NUP210: variants seen among roughly 807,000 people sequenced by gnomAD.
NUP210 encodes nuclear pore membrane glycoprotein 210.
Under a neutral mutation model 196.0 loss-of-function variants are expected in NUP210, and 151 were observed. That is an observed-to-expected ratio of 0.77 (90% CI 0.67 to 0.88). NUP210 has a LOEUF of 0.88. Among genes scored for constraint, NUP210 ranks in the 40% least tolerant of loss-of-function variants. The pLI is 0.00. For missense variants in NUP210, 2,314 were observed against 2,493.7 expected (o/e 0.93, Z 1.53); for synonymous variants, 1,070 against 1,052.7 (o/e 1.02, Z -0.32).
intron 35 of NUP210, 126 bp from the exon 36 acceptor site, chr3:13,321,961 C>T: frequency 7.5e-7 from 1 of 1,328,992 alleles, no homozygotes; most frequent in Non-Finnish European, 1.0e-6. Context: ...GAAGTCACCT[C>T]CTCCAGGAGT....
rs961278893 is a variant in NUP210 at position 13,413,481 on chromosome 3, C to A, written c.167+6579G>T. Among the ~76,000 whole-genome samples, 8 of 145,886 alleles carry A rather than the reference C, an allele frequency of 5.5e-5. No homozygotes were observed. In the East Asian group the frequency reaches 5.8e-4, roughly 11 times the overall value. ...CAAGACTCTGTCTCAAAAAAAAAAA[C>A]AAACAAACAAAAAAGGAAACCTTAC... On this transcript the variant is annotated intron_variant, in intron 1 of 39. Transcript: ENST00000254508.
At chr3:13,387,796 G>T (rs1699324622) in intron 5 of NUP210, among the ~76,000 whole-genome samples, 1 of 152,166 alleles carries the variant, frequency 6.6e-6, no homozygotes, top group African/African-American at 2.4e-5. Context: ...CCCTAAGAAT[G>T]GGATGCTGGT....
rs947562894 is a variant in NUP210, at chr3:13,321,113, G to A, written c.5166+472C>T. Among the ~76,000 whole-genome samples, 30 of 152,338 alleles carry A rather than the reference G, an allele frequency of 2.0e-4. 3 individuals carry two copies. The highest frequency in any genetic ancestry group is 9.1e-4 in the Admixed American group (14 of 15,310). ...GGAACTCCTTGGTTCTCTCACCCCC[G>A]AACTCTTCCCAGCCTGCCAGGCTCT... On this transcript the variant is annotated intron_variant, in intron 36 of 39. Coordinates refer to ENST00000254508, the MANE Select transcript of NUP210 (RefSeq NM_024923.4).
intron 2 of NUP210, 109 bp from the exon 3 acceptor site, chr3:13,397,597 T>C (rs150778087): frequency 2.7e-4 from 333 of 1,239,774 alleles, no homozygotes; most frequent in Middle Eastern, 1.4e-3. Context: ...AACCACCAGC[T>C]TCACCCTCAG....
chr3:13,369,065 T>C lies in NUP210; in HGVS notation c.1786+2769A>G, dbSNP rs182875382. ...CATACACACCAGCAGCACATAAGAG[T>C]TCCAGTGTCTTCACATCCTTGTCAA... On this transcript the variant is annotated intron_variant, in intron 13 of 39. Coordinates refer to ENST00000254508, the MANE Select transcript of NUP210 (RefSeq NM_024923.4). 9.9e-5 allele frequency among the ~76,000 whole-genome samples: 15 copies of C among 152,190 alleles called. No individual in the cohort carries two copies. The East Asian group carries it at 2.9e-3, about 29-fold the overall frequency.
rs1003444761 is a variant in NUP210, at chr3:13,323,855, A to G, written c.4645-423T>C. Reference sequence around the variant, plus strand: ...ATCCTGTACCTGGCCACACCCAAACAGCCCCAGGCTGGAGACCTCCCTGCA... The same window carrying G: ...ATCCTGTACCTGGCCACACCCAAACGGCCCCAGGCTGGAGACCTCCCTGCA... On this transcript the variant is annotated intron_variant, in intron 33 of 39. Transcript: ENST00000254508. This position sits in a 1 kb window ranked among gnomAD's most constrained non-coding sequence, Gnocchi z 4.3. Among the ~76,000 whole-genome samples the G allele has an allele frequency of 1.3e-5, 2 of 151,988 alleles. No homozygotes were observed. Among genetic ancestry groups the G allele is most frequent in the African/African-American group, 4.8e-5 (2 of 41,366 alleles).
At chr3:13,419,985 G>A (rs1047155775) in intron 1 of NUP210, 75 bp downstream of exon 1, 8 of 1,012,170 alleles carry the variant, frequency 7.9e-6, no homozygotes, top group Non-Finnish European at 9.6e-6. Flanking sequence ...CCGGCCTCCC[G>A]GCGCCCGCCC....
Position 13,362,371 on chromosome 3 carries a change from A to G in NUP210, c.1933-1880T>C, listed in dbSNP as rs1004024573. On this transcript the variant is annotated intron_variant, in intron 14 of 39. Transcript: ENST00000254508. ...TTGCTGTGGGGGTCAGCATTTCAAC[A>G]TATGTATTTTGTGGGGACACAAACA... Among the ~76,000 whole-genome samples the G allele has an allele frequency of 4.6e-5, 7 of 152,158 alleles. 1 individual carries two copies. The highest frequency in any genetic ancestry group is 3.9e-4 in the Admixed American group (6 of 15,272).
At chr3:13,419,992 G>C in intron 1 of NUP210, 68 bp downstream of exon 1, 1 of 1,045,210 alleles carries the variant, frequency 9.6e-7, no homozygotes, top group Non-Finnish European at 1.2e-6. Context: ...CCCGGCGCCC[G>C]CCCAGCCTCT....
intron 1 of NUP210, among the ~76,000 whole-genome samples, chr3:13,415,086 A>C (rs1700301918): frequency 6.6e-6 from 1 of 152,166 alleles, no homozygotes; most frequent in African/African-American, 2.4e-5. Context: ...AAATACAAAA[A>C]TTAGCTGGGT....
rs1388040580 is a variant in NUP210, at chr3:13,327,335, G to C, written c.4389C>G (p.His1463Gln). The change falls in exon 32 of 40, where the codon CAC (histidine) becomes CAG (glutamine). Residue 1463 changes from histidine (H) to glutamine (Q), a missense_variant. Physicochemically the swap from His to Gln is conservative, Grantham distance 24 (BLOSUM62 0). Coordinates refer to ENST00000254508, the MANE Select transcript of NUP210 (RefSeq NM_024923.4). The stretch of plus-strand genomic sequence containing the variant: ...GGGGCATGAAGTCCGAGAGGCCCGG[G>C]TGCTCTGCGTCCCACACACGGAGCA... ...LTLLRVWDAE[H>Q]PGLSDFMPLP... The C allele has an allele frequency of 1.2e-6, 2 of 1,613,408 alleles. No individual in the cohort carries two copies. Among genetic ancestry groups the C allele is most frequent in the Admixed American group, 1.7e-5 (1 of 60,022 alleles).
intron 21 of NUP210, among the ~76,000 whole-genome samples, chr3:13,342,816 C>A (rs1163206435): frequency 2.0e-5 from 3 of 152,196 alleles, no homozygotes; most frequent in Non-Finnish European, 4.4e-5. Flanking sequence ...CCCAGTGAAC[C>A]CAAAACCTAT....
rs1697421360 is a variant in NUP210 at position 13,340,326 on chromosome 3, C to T, written c.3229-28G>A. On this transcript the variant is annotated intron_variant, in intron 23 of 39. Coordinates refer to ENST00000254508, the MANE Select transcript of NUP210 (RefSeq NM_024923.4). The surrounding 1 kb of genome is among the most constrained non-coding windows in gnomAD (Gnocchi z 4.0). ...GTTGAGAGACACAGGAGAGAAAGGA[C>T]TACTGTGCCCCAAGCCCATGGCGCC... 5.6e-6 allele frequency: 9 copies of T among 1,605,514 alleles called. No individual in the cohort carries two copies. The East Asian group carries it at 2.0e-4, about 36-fold the overall frequency.
intron 8 of NUP210, among the ~76,000 whole-genome samples, chr3:13,378,599 T>C (rs1172623231): frequency 6.6e-6 from 1 of 152,220 alleles, no homozygotes; most frequent in African/African-American, 2.4e-5. Context: ...AACCTCTAAA[T>C]GTCCATAGCA....
intron 29 of NUP210, among the ~76,000 whole-genome samples, chr3:13,331,927 G>A (rs1697011733): frequency 6.6e-6 from 1 of 152,176 alleles, no homozygotes; most frequent in Admixed American, 6.5e-5. Context: ...CTTGAGAGCT[G>A]CATCTTCTCT....
chr3:13,380,868 A>C (rs775498705), intron 6 of NUP210, among the ~76,000 whole-genome samples: 81 of 152,328 alleles, frequency 5.3e-4, no homozygotes, highest in Non-Finnish European at 6.9e-4. Context: ...TTTTCATGTG[A>C]TCTAATAAGT....
rs1380778912 is a variant in NUP210 at position 13,397,374 on chromosome 3, T to C, written c.419A>G (p.Gln140Arg). ...LEDSPLELKI[Q>R]ALDSEGNTFS... is the part of the protein sequence containing the mutation. ...GTTCTCACCTTCGGAGTCCAGGGCC[T>C]GGATCTTCAGCTCCAGGGGGGAGTC... Residue 140 changes from glutamine (Q) to arginine (R), a missense_variant, in exon 3 of 40, where the codon CAG (glutamine) becomes CGG (arginine). By Grantham distance (43) the Gln-to-Arg change is conservative. Transcript: ENST00000254508. 1.9e-6 allele frequency: 3 copies of C among 1,611,000 alleles called. No homozygotes were observed. The highest frequency in any genetic ancestry group is 1.7e-5 in the Admixed American group (1 of 59,180).
At chr3:13,376,532 A>G in intron 9 of NUP210, 101 bp from the exon 10 acceptor site, 1 of 1,420,886 alleles carries the variant, frequency 7.0e-7, no homozygotes, top group Non-Finnish European at 9.7e-7. Context: ...CAGCCAGGCC[A>G]GGCCAAGGGG....
Position 13,343,076 on chromosome 3 carries a change from G to A in NUP210, c.2964+99C>T, listed in dbSNP as rs1418901736. On this transcript the variant is annotated intron_variant, in intron 21 of 39. Coordinates refer to ENST00000254508, the MANE Select transcript of NUP210 (RefSeq NM_024923.4). ...AGGGGAAGGGATGCAGACCACAGGAGCAAAAGCAAAGGCCATGCGGAACAT... is the reference window on the plus strand; with the variant it reads ...AGGGGAAGGGATGCAGACCACAGGAACAAAAGCAAAGGCCATGCGGAACAT... 2.8e-5 allele frequency: 41 copies of A among 1,442,992 alleles called. 1 individual carries two copies. In the Admixed American group the frequency reaches 7.2e-4, roughly 25 times the overall value. 89.4% of individuals were successfully genotyped at this position (1,442,992 alleles called of 1,614,324 possible).
Sources: allele counts gnomAD v4.1 joint callset (sites outside exome capture counted in the v4.1 genomes callset), GRCh38; gene constraint gnomAD v4.1.1; non-coding constraint Gnocchi (gnomAD v3.1); transcripts MANE v1.5; gene names NCBI Gene and HGNC (gene_info 2026-07-23, HGNC 2026-07-21).